Variants in PKIB observed in about 807,000 individuals in gnomAD.
PKIB encodes PKI-beta.
A neutral mutation model predicts 4.5 loss-of-function variants in PKIB; 2 were observed. The observed-to-expected ratio is 0.44, with a 90% CI of 0.18 to 1.39. The LOEUF (loss-of-function observed/expected upper bound fraction) is 1.39, where lower values mean the gene tolerates loss of function less well. PKIB is among the 40% of genes most tolerant of loss of function. PKIB has a pLI of 0.27. For missense variants in PKIB, 94 were observed against 92.6 expected, an observed-to-expected ratio of 1.02 and a Z score of -0.06; for synonymous variants, 38 against 36.0, an observed-to-expected ratio of 1.06 and a Z score of -0.20.
At chr6:122,677,359 A>G (rs529451359) in intron 3 of PKIB, among the ~76,000 whole-genome samples, 4 of 152,160 alleles carry the variant, frequency 2.6e-5, no homozygotes, top group African/African-American at 9.6e-5. Flanking sequence ...TGCCTCATTG[A>G]TTATAATACT....
At chr6:122,568,076 A>C (rs948284878) in intron 2 of PKIB, among the ~76,000 whole-genome samples, 1 of 151,906 alleles carries the variant, frequency 6.6e-6, no homozygotes, top group African/African-American at 2.4e-5. Flanking sequence ...AAAACGAATG[A>C]CTCTTTTTCT....
intron 2 of PKIB, among the ~76,000 whole-genome samples, chr6:122,638,077 G>T (rs940634670): frequency 2.0e-5 from 3 of 152,132 alleles, no homozygotes; most frequent in African/African-American, 7.2e-5. Context: ...AATCGCAGAG[G>T]AGTGACACAA....
At chr6:122,634,648 A>G (rs1775840729) in intron 2 of PKIB, among the ~76,000 whole-genome samples, 1 of 152,214 alleles carries the variant, frequency 6.6e-6, no homozygotes, top group African/African-American at 2.4e-5. Flanking sequence ...TCTTAAAACC[A>G]GTGTACAACT....
At chr6:122,670,492 CAT>C (rs1491307371) in intron 2 of PKIB, among the ~76,000 whole-genome samples, 1 of 71,104 alleles carries the variant, frequency 1.4e-5, no homozygotes, top group East Asian at 4.4e-4. Flanking sequence ...TAAGGAATCA[CAT>C]GTTTTTGTTG....
At chr6:122,645,770 G>A (rs1049554077) in intron 2 of PKIB, among the ~76,000 whole-genome samples, 27 of 152,254 alleles carry the variant, frequency 1.8e-4, no homozygotes, top group African/African-American at 5.1e-4. Context: ...TCAGGTTTGG[G>A]GGTTATGTGG....
intron 2 of PKIB, chr6:122,482,544 A>ATTTTTTTTTTTTTTTTTTTT (rs571676167): frequency 9.6e-6 from 1 of 103,722 alleles, no homozygotes; most frequent in Non-Finnish European, 1.8e-5. Context: ...TTTAGGTTGG[A>ATTTTTTTTTTTTTTTTTTTT]TTTTTTTTTT....
chr6:122,476,940 CAT>C (rs1775463687), intron 1 of PKIB, among the ~76,000 whole-genome samples: 1 of 152,110 alleles, frequency 6.6e-6, no homozygotes, highest in Admixed American at 6.5e-5. Flanking sequence ...TCTTATTAAA[CAT>C]GTTATTAAGG....
At chr6:122,474,129 G>A (rs1171239058) in intron 1 of PKIB, among the ~76,000 whole-genome samples, 1 of 152,172 alleles carries the variant, frequency 6.6e-6, no homozygotes, top group Non-Finnish European at 1.5e-5. Context: ...GCAAAACTCT[G>A]TCTCAAAACA....
intron 2 of PKIB, among the ~76,000 whole-genome samples, chr6:122,667,095 C>G (rs552624712): frequency 6.6e-6 from 1 of 152,262 alleles, no homozygotes; most frequent in East Asian, 1.9e-4. Flanking sequence ...TTTTCATTGG[C>G]CTTCTTCTGT....
intron 2 of PKIB, among the ~76,000 whole-genome samples, chr6:122,638,491 C>T (rs890353059): frequency 1.3e-5 from 2 of 152,184 alleles, no homozygotes; most frequent in Non-Finnish European, 2.9e-5. Context: ...TGCTGTTCCT[C>T]CAGAGAGCAC....
intron 2 of PKIB, among the ~76,000 whole-genome samples, chr6:122,518,068 G>T (rs771114298): frequency 1.3e-5 from 2 of 152,106 alleles, no homozygotes; most frequent in Non-Finnish European, 2.9e-5. Context: ...CAGGTAAAGG[G>T]TTAAAAGCAA....
intron 2 of PKIB, among the ~76,000 whole-genome samples, chr6:122,521,280 G>A (rs915434449): frequency 6.6e-6 from 1 of 152,136 alleles, no homozygotes. Flanking sequence ...CTTCTTCTTG[G>A]TCCAACCACT....
chr6:122,596,229 A>T (rs1774172421), intron 3 of PKIB, among the ~76,000 whole-genome samples: 1 of 152,118 alleles, frequency 6.6e-6, no homozygotes, highest in African/African-American at 2.4e-5. Flanking sequence ...ACAGCTGTCC[A>T]CTTACGGGTG....
chr6:122,620,465 A>G (rs1363213050), intron 1 of PKIB, among the ~76,000 whole-genome samples: 1 of 152,236 alleles, frequency 6.6e-6, no homozygotes, highest in Non-Finnish European at 1.5e-5. Flanking sequence ...ATAGGCTAAT[A>G]ATTCAGCTTT....
intron 2 of PKIB, among the ~76,000 whole-genome samples, chr6:122,579,701 C>G (rs375572682): frequency 1.3e-5 from 2 of 152,108 alleles, no homozygotes; most frequent in African/African-American, 4.8e-5. Context: ...CTAGTATTTT[C>G]TCTAGGCCCC....
At chr6:122,677,532 T>C (rs571250098) in intron 3 of PKIB, among the ~76,000 whole-genome samples, 7 of 152,346 alleles carry the variant, frequency 4.6e-5, no homozygotes, top group African/African-American at 1.7e-4. Flanking sequence ...TTGGATTGTC[T>C]GCAGTGCATA....
intron 2 of PKIB, among the ~76,000 whole-genome samples, chr6:122,519,869 C>T (rs772789195): frequency 6.6e-6 from 1 of 152,224 alleles, no homozygotes; most frequent in Non-Finnish European, 1.5e-5. Flanking sequence ...GAGGACATCA[C>T]ATTAGTGGGG....
At chr6:122,684,825 C>T (rs1436809932) in intron 3 of PKIB, among the ~76,000 whole-genome samples, 1 of 151,978 alleles carries the variant, frequency 6.6e-6, no homozygotes, top group African/African-American at 2.4e-5. Context: ...CTCTTGACTG[C>T]CTTTAATAGC....
upstream of PKIB, among the ~76,000 whole-genome samples, chr6:122,605,525 C>A (rs1177775454): frequency 6.6e-6 from 1 of 152,188 alleles, no homozygotes; most frequent in Non-Finnish European, 1.5e-5. Context: ...CTAGCCCAGC[C>A]TCTCCCACAG....
Sources: allele counts gnomAD v4.1 joint callset (sites outside exome capture counted in the v4.1 genomes callset), GRCh38; gene constraint gnomAD v4.1.1; transcripts MANE v1.5; gene names NCBI Gene and HGNC (gene_info 2026-07-23, HGNC 2026-07-21).